PIAS1: variants seen among roughly 807,000 people sequenced by gnomAD.
The protein encoded by PIAS1 is E3 SUMO-protein ligase PIAS1.
In PIAS1, 6 loss-of-function variants were observed where a neutral mutation model predicts 71.3. The ratio of observed to expected loss-of-function variants is 0.08; its 90% CI spans 0.05 to 0.17. PIAS1 has a LOEUF of 0.17. Ranked by LOEUF, PIAS1 falls within the 10% of genes least tolerant of loss-of-function variation. The pLI, the probability that PIAS1 is intolerant of heterozygous loss-of-function variation, is 1.00. For synonymous variants in PIAS1, 303 were observed against 292.9 expected (o/e 1.03, Z -0.35); for missense variants, 555 against 793.6 (o/e 0.70, Z 3.61).
intron 1 of PIAS1, among the ~76,000 whole-genome samples, chr15:68,082,743 A>C (rs1219095441): frequency 6.6e-6 from 1 of 152,122 alleles, no homozygotes; most frequent in African/African-American, 2.4e-5. Context: ...CCTCAAAGAA[A>C]AAATTAAACA....
At chr15:68,119,432 A>G (rs1340867749) in intron 2 of PIAS1, among the ~76,000 whole-genome samples, 2 of 150,822 alleles carry the variant, frequency 1.3e-5, no homozygotes, top group Non-Finnish European at 2.9e-5. Context: ...GCAACAGAGC[A>G]AAACTCCATA....
chr15:68,176,410 AC>A, intron 10 of PIAS1, 63 bp from the exon 11 acceptor site: 3 of 1,073,390 alleles, frequency 2.8e-6, no homozygotes, highest in Non-Finnish European at 3.9e-6. Context: ...AACTGTAGTG[AC>A]ACTGAGAAAA....
At chr15:68,180,359 A>G (rs1308157603) in intron 11 of PIAS1, among the ~76,000 whole-genome samples, 4 of 152,034 alleles carry the variant, frequency 2.6e-5, no homozygotes, top group African/African-American at 9.7e-5. Context: ...AGCCTCCCGA[A>G]GTATGGGGAT....
intron 9 of PIAS1, among the ~76,000 whole-genome samples, chr15:68,175,371 A>C (rs888905686): frequency 1.3e-5 from 2 of 152,220 alleles, no homozygotes; most frequent in African/African-American, 4.8e-5. Flanking sequence ...TACTGTCTAT[A>C]TACTACTCAC....
intron 2 of PIAS1, among the ~76,000 whole-genome samples, chr15:68,098,428 T>C (rs2092396228): frequency 1.3e-5 from 2 of 152,112 alleles, no homozygotes; most frequent in African/African-American, 4.8e-5. Flanking sequence ...TAGGAGGATT[T>C]TCATCTTGCT....
chr15:68,156,125 G>T (rs2092887173), intron 7 of PIAS1, among the ~76,000 whole-genome samples: 1 of 152,168 alleles, frequency 6.6e-6, no homozygotes, highest in Non-Finnish European at 1.5e-5. Context: ...AGGAACAGGA[G>T]AATATAACAT....
chr15:68,087,368 A>T (rs79511314), intron 2 of PIAS1, among the ~76,000 whole-genome samples: 82 of 152,320 alleles, frequency 5.4e-4, no homozygotes, highest in Admixed American at 1.0e-3. Context: ...AGAATTCAAT[A>T]TATTAATCAA....
At chr15:68,145,987 G>GT in intron 5 of PIAS1, 81 bp downstream of exon 5, 1 of 863,608 alleles carries the variant, frequency 1.2e-6, no homozygotes, top group Non-Finnish European at 1.9e-6. Flanking sequence ...TTAAATCATA[G>GT]TTTTTCCTTA....
intron 2 of PIAS1, among the ~76,000 whole-genome samples, chr15:68,134,997 G>A (rs1595754367): frequency 4.0e-5 from 2 of 49,752 alleles, no homozygotes; most frequent in Admixed American, 1.6e-4. Context: ...TCCCGGACGG[G>A]GCGGCTGGCC....
chr15:68,181,209 C>A lies in PIAS1; in HGVS notation c.1482-3C>A. On this transcript the variant is annotated splice_region_variant and splice_polypyrimidine_tract_variant and intron_variant, in intron 11 of 13. Transcript: ENST00000249636. ...AAACTATGCCAATCTTTCCTTCTTC[C>A]AGCATTTTAAGTCTTCCACATCAAG... The A allele has an allele frequency of 6.2e-7, 1 of 1,612,462 alleles. No individual in the cohort carries two copies.
chr15:68,068,819 G>C (rs190190758), intron 1 of PIAS1, among the ~76,000 whole-genome samples: 1 of 151,658 alleles, frequency 6.6e-6, no homozygotes, highest in Admixed American at 6.6e-5. Context: ...AAGTTGAATC[G>C]TCAGAGTTAT....
chr15:68,162,849 C>T (rs529328330), intron 7 of PIAS1, among the ~76,000 whole-genome samples: 207 of 152,294 alleles, frequency 1.4e-3, no homozygotes, highest in African/African-American at 4.7e-3. Flanking sequence ...TAGCTGGGAT[C>T]ACAGAAGTCC....
At chr15:68,143,157 G>C (rs1747491355) in intron 4 of PIAS1, among the ~76,000 whole-genome samples, 1 of 151,898 alleles carries the variant, frequency 6.6e-6, no homozygotes, top group African/African-American at 2.4e-5. Flanking sequence ...CACACTGTTG[G>C]AATAGGGATG....
intron 1 of PIAS1, among the ~76,000 whole-genome samples, chr15:68,069,139 C>G (rs533275263): frequency 2.0e-4 from 30 of 152,124 alleles, no homozygotes; most frequent in African/African-American, 7.2e-4. Context: ...CGTGATCCGC[C>G]CACCTCAGCC....
At chr15:68,134,634 T>G (rs1448904911) in intron 2 of PIAS1, among the ~76,000 whole-genome samples, 2 of 12,276 alleles carry the variant, frequency 1.6e-4, no homozygotes, top group Admixed American at 8.2e-4. Flanking sequence ...CCCCCCCACC[T>G]CCCTCCCGGA....
intron 2 of PIAS1, among the ~76,000 whole-genome samples, chr15:68,125,288 A>C (rs1446987954): frequency 6.6e-6 from 1 of 152,108 alleles, no homozygotes; most frequent in Non-Finnish European, 1.5e-5. Context: ...TTCATGTTCT[A>C]TGAGAATTCC....
chr15:68,145,939 T>C, intron 5 of PIAS1, 33 bp downstream of exon 5: 1 of 1,188,786 alleles, frequency 8.4e-7, no homozygotes, highest in Non-Finnish European at 1.3e-6. Context: ...TAAAATTCAT[T>C]GCCAACATAA....
rs747126064 is a variant in PIAS1 at position 68,153,604 on chromosome 15, A to C, written c.843A>C (p.Ala281=). ...TTTTTTTCCAGAACTATTCCATGGC[A>C]GTATATCTTGTAAAACAGTTGTCCT... The part of the protein sequence containing the change: ...TAEIGRNYSM[A]VYLVKQLSST... The change falls in exon 7 of 14, where the codon GCA becomes GCC. Residue 281 remains alanine (A), a synonymous_variant. Coordinates refer to ENST00000249636, the MANE Select transcript of PIAS1 (RefSeq NM_016166.3). 6.5e-7 allele frequency: 1 copy of C among 1,534,794 alleles called. No individual in the cohort carries two copies. Among genetic ancestry groups the C allele is most frequent in the Non-Finnish European group, 9.0e-7 (1 of 1,111,454 alleles).
At chr15:68,117,278 G>T (rs905532924) in intron 2 of PIAS1, among the ~76,000 whole-genome samples, 5 of 152,040 alleles carry the variant, frequency 3.3e-5, no homozygotes, top group Admixed American at 6.6e-5. Flanking sequence ...TAGAGTTGGG[G>T]TTTCACCATG....
Sources: gnomAD v4.1 joint callset for allele counts (sites outside exome capture counted in the v4.1 genomes callset) on GRCh38, gnomAD v4.1.1 for gene constraint, MANE v1.5 for transcripts, NCBI Gene and HGNC (gene_info 2026-07-23, HGNC 2026-07-21) for gene names.